EFCAB14: variants seen among roughly 807,000 people sequenced by gnomAD.
The protein encoded by EFCAB14 is EF-hand calcium binding domain 14.
A neutral mutation model predicts 56.5 loss-of-function variants in EFCAB14; 43 were observed. That is an observed-to-expected ratio of 0.76 (90% CI 0.60 to 0.98). The LOEUF is 0.98. Among genes scored for constraint, EFCAB14 ranks in the 50% least tolerant of loss-of-function variants. The pLI is 0.00. For missense variants in EFCAB14, 538 were observed against 580.3 expected (o/e 0.93, Z 0.75); for synonymous variants, 235 against 212.9 (o/e 1.10, Z -0.90).
intron 5 of EFCAB14, 99 bp from the exon 6 acceptor site, chr1:46,689,790 G>A (rs2241862): frequency 0.33 from 323,189 of 984,032 alleles, 62,628 homozygotes; most frequent in East Asian, 0.78. Context: ...CCCCCAGAAT[G>A]CATCCACAGA....
At chr1:46,696,477 C>A (rs750574345) in intron 4 of EFCAB14, 74 bp downstream of exon 4, 2 of 1,405,804 alleles carry the variant, frequency 1.4e-6, no homozygotes, top group Non-Finnish European at 2.0e-6. Flanking sequence ...TTATAAGAAG[C>A]TAGAATTATG....
intron 5 of EFCAB14, 127 bp from the exon 6 acceptor site, chr1:46,689,818 C>T: frequency 1.2e-6 from 1 of 804,028 alleles, no homozygotes; most frequent in Non-Finnish European, 2.0e-6. Context: ...GTAAGTATTG[C>T]CAGGGAATGT....
intron 3 of EFCAB14, among the ~76,000 whole-genome samples, chr1:46,696,976 T>C (rs2405026): frequency 0.24 from 37,046 of 152,130 alleles, 4,873 homozygotes; most frequent in East Asian, 0.35. Flanking sequence ...ACACACTCCC[T>C]CAACAATTGG....
chr1:46,717,978 G>A lies in EFCAB14; in HGVS notation c.110C>T (p.Pro37Leu), dbSNP rs760639819. The A allele has an allele frequency of 3.1e-6, 5 of 1,614,060 alleles. No homozygotes were observed. Among genetic ancestry groups the A allele is most frequent in the African/African-American group, 2.7e-5 (2 of 74,930 alleles). ...SSHRLLRTEP[P>L]DSDSESSSEE... ...GGAGCTGGACTCAGAGTCTGAGTCG[G>A]GAGGCTCAGTGCGAAGCAGGCGGTG... The change falls in exon 1 of 11, where the codon CCC becomes CTC. Residue 37 changes from proline to leucine, a missense_variant. Physicochemically the swap from Pro to Leu is moderately conservative, Grantham distance 98. Transcript: ENST00000371933.
intron 2 of EFCAB14, among the ~76,000 whole-genome samples, chr1:46,710,313 T>C (rs957981246): frequency 1.3e-5 from 2 of 152,214 alleles, no homozygotes; most frequent in Non-Finnish European, 2.9e-5. Flanking sequence ...ATCCATCATC[T>C]CAAACATTTA....
chr1:46,698,265 C>T lies in EFCAB14; in HGVS notation c.481-1616G>A, dbSNP rs373274616. ...CTCGGGAACTCAAGTTCTCTTTTCCCTCTTTTCTTTTAGAAGGCAAAAGTT... is the reference window on the plus strand; with the variant it reads ...CTCGGGAACTCAAGTTCTCTTTTCCTTCTTTTCTTTTAGAAGGCAAAAGTT... On this transcript the variant is annotated intron_variant, in intron 3 of 10. Coordinates refer to ENST00000371933, the MANE Select transcript of EFCAB14 (RefSeq NM_014774.3). Among the ~76,000 whole-genome samples the T allele has an allele frequency of 2.6e-5, 4 of 152,108 alleles. No individual in the cohort carries two copies. The East Asian group carries it at 7.7e-4, about 29-fold the overall frequency.
intron 3 of EFCAB14, among the ~76,000 whole-genome samples, chr1:46,703,313 T>C (rs549129578): frequency 6.6e-6 from 1 of 152,314 alleles, no homozygotes; most frequent in Admixed American, 6.5e-5. Context: ...TTTCACCATG[T>C]TGGCCAGGCT....
At chr1:46,692,828 C>A (rs974795684) in intron 4 of EFCAB14, among the ~76,000 whole-genome samples, 1 of 152,162 alleles carries the variant, frequency 6.6e-6, no homozygotes, top group African/African-American at 2.4e-5. Context: ...ATCAATCAAA[C>A]AAGTAATTTT....
chr1:46,705,640 G>T (rs1677223225), intron 3 of EFCAB14, among the ~76,000 whole-genome samples: 1 of 152,098 alleles, frequency 6.6e-6, no homozygotes, highest in African/African-American at 2.4e-5. Flanking sequence ...TCCTGTCCAG[G>T]GCTGTTTCCT....
chr1:46,686,233 G>C (rs1405134670), intron 8 of EFCAB14, among the ~76,000 whole-genome samples: 1 of 152,212 alleles, frequency 6.6e-6, no homozygotes, highest in Non-Finnish European at 1.5e-5. Context: ...CAAAAAAGGG[G>C]AAGGTACAAG....
Position 46,717,902 on chromosome 1 carries a change from C to T in EFCAB14, c.185+1G>A. On this transcript the variant is annotated splice_donor_variant, in intron 1 of 10. Coordinates refer to ENST00000371933, the MANE Select transcript of EFCAB14 (RefSeq NM_014774.3). LOFTEE classifies it high-confidence loss of function. ...CCATTCCACCTTTCACCACTACTCA[C>T]TTGGCAAAGCGAGAGCGATTTCCAA... 3 of 1,612,720 alleles carry T rather than the reference C, an allele frequency of 1.9e-6. No individual in the cohort carries two copies. The highest frequency in any genetic ancestry group is 2.5e-6 in the Non-Finnish European group (3 of 1,179,444).
In EFCAB14 at chr1:46,707,882, C is replaced by A. The variant is rs750439067; in HGVS notation, c.480+24G>T. 6.2e-6 allele frequency: 10 copies of A among 1,602,652 alleles called. No individual in the cohort carries two copies. The South Asian group carries it at 7.8e-5, about 12-fold the overall frequency. Reference sequence around the variant, plus strand: ...ACCAAACAAATATTCATAGCTTACACAGCAAAAATCAAACTTTTAGTACCT... The same window carrying A: ...ACCAAACAAATATTCATAGCTTACAAAGCAAAAATCAAACTTTTAGTACCT... On this transcript the variant is annotated intron_variant, in intron 3 of 10. Coordinates refer to ENST00000371933, the MANE Select transcript of EFCAB14 (RefSeq NM_014774.3).
intron 3 of EFCAB14, among the ~76,000 whole-genome samples, chr1:46,701,121 A>C (rs1034407348): frequency 6.6e-6 from 1 of 152,204 alleles, no homozygotes; most frequent in Admixed American, 6.5e-5. Flanking sequence ...AAATTACTTA[A>C]GAAATTTTTA....
chr1:46,718,380 G>C lies in EFCAB14; in HGVS notation c.-293C>G, dbSNP rs1371165964. On this transcript the variant is annotated 5_prime_UTR_variant, in exon 1 of 11. Coordinates refer to ENST00000371933, the MANE Select transcript of EFCAB14 (RefSeq NM_014774.3). ...CAGAGTGTTAGTAGAGGGTGGAGAG[G>C]GACCTTTATCTCCCAAAGGGCGAAA... is the stretch of plus-strand genomic sequence containing the variant. 7.5e-6 allele frequency: 2 copies of C among 267,596 alleles called. No individual in the cohort carries two copies. Among genetic ancestry groups the C allele is most frequent in the East Asian group, 6.8e-5 (1 of 14,638 alleles). 16.6% of individuals were successfully genotyped at this position (267,596 alleles called of 1,614,324 possible).
chr1:46,685,009 G>A, intron 8 of EFCAB14: 1 of 162,620 alleles, frequency 6.1e-6, no homozygotes, highest in Non-Finnish European at 1.3e-5. Context: ...GCTTCACCTT[G>A]TGACTAGACC....
At chr1:46,716,703 A>G (rs1677401188) in intron 1 of EFCAB14, among the ~76,000 whole-genome samples, 1 of 152,214 alleles carries the variant, frequency 6.6e-6, no homozygotes, top group South Asian at 2.1e-4. Context: ...AAGGCACTGC[A>G]GCTGTCATTA....
chr1:46,712,855 T>A (rs1229715746), intron 2 of EFCAB14, among the ~76,000 whole-genome samples: 1 of 145,064 alleles, frequency 6.9e-6, no homozygotes, highest in East Asian at 2.2e-4. Flanking sequence ...TAAAAAAAAA[T>A]ACAAAAAATT....
At chr1:46,692,211 A>T (rs1289427343) in intron 4 of EFCAB14, 1 of 283,268 alleles carries the variant, frequency 3.5e-6, no homozygotes, top group Non-Finnish European at 6.6e-6. Context: ...ATATAAGTAG[A>T]ACCAGTGAGC....
intron 3 of EFCAB14, among the ~76,000 whole-genome samples, chr1:46,705,490 T>C (rs1677220946): frequency 1.3e-5 from 2 of 152,238 alleles, no homozygotes; most frequent in Non-Finnish European, 1.5e-5. Flanking sequence ...TCTGTTTGCA[T>C]GTTCTCCTCA....
Sources: gnomAD v4.1 joint callset for allele counts (sites outside exome capture counted in the v4.1 genomes callset) on GRCh38, gnomAD v4.1.1 for gene constraint, MANE v1.5 for transcripts, NCBI Gene and HGNC (gene_info 2026-07-23, HGNC 2026-07-21) for gene names.